The following SYNE2 variants were observed in gnomAD, a reference collection of about 807,000 sequenced individuals.
SYNE2 encodes spectrin repeat containing nuclear envelope protein 2, also known as nesprin-2.
SYNE2 carries 431 observed loss-of-function variants against 856.3 expected under a neutral mutation model. The observed-to-expected ratio is 0.50, with a 90% CI of 0.47 to 0.55. The LOEUF (loss-of-function observed/expected upper bound fraction) is 0.55. Ranked by LOEUF, SYNE2 falls within the 20% of genes least tolerant of loss-of-function variation. The pLI is 0.00. For missense variants in SYNE2, 8,129 were observed against 8,023.2 expected, an observed-to-expected ratio of 1.01 and a Z score of -0.50; for synonymous variants, 2,923 against 2,872.3, an observed-to-expected ratio of 1.02 and a Z score of -0.56.
chr14:64,053,683 G>C, intron 48 of SYNE2, 26 bp downstream of exon 48: 1 of 1,609,298 alleles, frequency 6.2e-7, no homozygotes, highest in East Asian at 2.2e-5. Context: ...TATGCAGTTA[G>C]TGGCTGGGTG....
intron 87 of SYNE2, among the ~76,000 whole-genome samples, chr14:64,161,789 T>TA (rs1033263558): frequency 3.0e-4 from 46 of 151,950 alleles, no homozygotes; most frequent in African/African-American, 1.1e-3. Flanking sequence ...TCCCCTCTCT[T>TA]AAAAAAAGAG....
At chr14:64,200,991 G>A (rs558203180) in intron 99 of SYNE2, among the ~76,000 whole-genome samples, 25 of 152,316 alleles carry the variant, frequency 1.6e-4, no homozygotes, top group Non-Finnish European at 2.4e-4. Context: ...TAAATAAAGC[G>A]TGATTGTAGC....
At chr14:64,107,926 T>G (rs1221066560) in intron 65 of SYNE2, among the ~76,000 whole-genome samples, 1 of 152,210 alleles carries the variant, frequency 6.6e-6, no homozygotes, top group Non-Finnish European at 1.5e-5. Flanking sequence ...TAGAGAAGGG[T>G]TAATATTGAT....
At chr14:63,943,575 TG>T (rs1290407769) in intron 6 of SYNE2, among the ~76,000 whole-genome samples, 2 of 152,122 alleles carry the variant, frequency 1.3e-5, no homozygotes, top group Non-Finnish European at 2.9e-5. Context: ...TTAAGTTGTG[TG>T]TTTTTTTTCT....
At position 64,010,091 on chromosome 14, in the gene SYNE2, A is replaced by C; in HGVS notation, c.4703A>C (p.Glu1568Ala). The change falls in exon 32 of 116, where the codon GAG becomes GCG. Residue 1568 changes from glutamate (E) to alanine (A), a missense_variant. Around this residue, in one of 3 missense-constraint regions of SYNE2, gnomAD observed 2,422 missense variants for 2,357.4 expected, o/e 1.03. Coordinates refer to ENST00000555002, the MANE Select transcript of SYNE2 (RefSeq NM_182914.3). ...CTGCAGGCTTCGTACATGGGAAAGG[A>C]GAACCTGAAGAAAAGGATAGCAGAG... ...ISLQASYMGK[E>A]NLKKRIAEIE... is the part of the protein sequence containing the mutation. 8 of 1,613,380 alleles carry C rather than the reference A, an allele frequency of 5.0e-6. No homozygotes were observed. Among genetic ancestry groups the C allele is most frequent in the Non-Finnish European group, 6.8e-6 (8 of 1,179,596 alleles).
intron 32 of SYNE2, among the ~76,000 whole-genome samples, chr14:64,015,850 C>G (rs752922663): frequency 1.1e-4 from 17 of 152,018 alleles, no homozygotes; most frequent in Non-Finnish European, 2.2e-4. Flanking sequence ...CTCAGCAATA[C>G]TTTGACTGTG....
intron 18 of SYNE2, among the ~76,000 whole-genome samples, chr14:63,986,204 A>T (rs2096624477): frequency 6.6e-6 from 1 of 152,082 alleles, no homozygotes; most frequent in Non-Finnish European, 1.5e-5. Context: ...GGTTTAGGCA[A>T]TTCGCTTGCC....
intron 1 of SYNE2, among the ~76,000 whole-genome samples, chr14:63,795,018 A>C (rs931457089): frequency 2.0e-5 from 3 of 152,060 alleles, no homozygotes; most frequent in Non-Finnish European, 4.4e-5. Context: ...TGATCCTCCT[A>C]CCTCAGCCTC....
chr14:64,170,825 G>A (rs1385913657), intron 94 of SYNE2, among the ~76,000 whole-genome samples: 1 of 152,052 alleles, frequency 6.6e-6, no homozygotes, highest in Admixed American at 6.5e-5. Context: ...TACAGTGATG[G>A]CATTGTTTAC....
intron 11 of SYNE2, among the ~76,000 whole-genome samples, chr14:63,974,481 G>A (rs1395571221): frequency 1.3e-5 from 2 of 152,098 alleles, no homozygotes; most frequent in East Asian, 1.9e-4. Flanking sequence ...GCCCAGCCCC[G>A]ATACTGGGTA....
At chr14:64,215,927 G>T in intron 107 of SYNE2, 3 of 1,308,650 alleles carry the variant, frequency 2.3e-6, no homozygotes, top group Non-Finnish European at 2.9e-6. Context: ...ACTCCTGAGA[G>T]GCCTTCTGCC....
chr14:63,776,139 C>G (rs1022626354), intron 1 of SYNE2, among the ~76,000 whole-genome samples: 1 of 152,224 alleles, frequency 6.6e-6, no homozygotes, highest in African/African-American at 2.4e-5. Context: ...AAAATTCCTA[C>G]TGCTCTGATG....
At chr14:64,087,382 A>G (rs770025428) in intron 57 of SYNE2, 1 of 572,946 alleles carries the variant, frequency 1.7e-6, no homozygotes, top group Non-Finnish European at 3.4e-6. Flanking sequence ...CTTATTATGT[A>G]TAATAAAAGA....
chr14:63,928,468 A>G (rs1401097707), intron 2 of SYNE2, among the ~76,000 whole-genome samples: 2 of 152,086 alleles, frequency 1.3e-5, no homozygotes, highest in Non-Finnish European at 2.9e-5. Flanking sequence ...TCTTGGTACT[A>G]TTTGTTTTTG....
intron 98 of SYNE2, 124 bp from the exon 99 acceptor site, chr14:64,189,947 G>A: frequency 2.7e-6 from 3 of 1,102,492 alleles, no homozygotes; most frequent in Non-Finnish European, 3.9e-6. Flanking sequence ...ATTGGTATGA[G>A]CCACTATGCC....
intron 100 of SYNE2, among the ~76,000 whole-genome samples, chr14:64,204,643 T>C (rs2098596629): frequency 6.6e-6 from 1 of 152,194 alleles, no homozygotes. Context: ...ATTCTGTCTT[T>C]ATAGAATTCA....
In SYNE2 at chr14:63,942,091, G is replaced by C. The variant is rs894234620; in HGVS notation, c.356G>C (p.Gly119Ala). 1 of 1,611,586 alleles carries C rather than the reference G, an allele frequency of 6.2e-7. No homozygotes were observed. The highest frequency in any genetic ancestry group is 1.3e-5 in the African/African-American group (1 of 74,866). ...ATTCATGTTACTGATATCATTGATGGAAACCCATCCATTATCCTTGGCCTA... is the reference window on the plus strand; with the variant it reads ...ATTCATGTTACTGATATCATTGATGCAAACCCATCCATTATCCTTGGCCTA... ...INIHVTDIID[G>A]NPSIILGLIW... is the part of the protein sequence containing the mutation. Residue 119 changes from glycine to alanine, a missense_variant, in exon 6 of 116, where the codon GGA becomes GCA. Physicochemically the swap from Gly to Ala is moderately conservative, Grantham distance 60. Transcript: ENST00000555002.
intron 30 of SYNE2, among the ~76,000 whole-genome samples, chr14:64,006,816 G>C (rs2096799708): frequency 6.6e-6 from 1 of 152,094 alleles, no homozygotes; most frequent in Non-Finnish European, 1.5e-5. Context: ...GACAGAGTGA[G>C]ACCCTGTTTC....
intron 1 of SYNE2, among the ~76,000 whole-genome samples, chr14:63,826,699 A>G (rs1194261046): frequency 6.6e-6 from 1 of 152,198 alleles, no homozygotes; most frequent in Non-Finnish European, 1.5e-5. Flanking sequence ...ACCACTTACA[A>G]AAATTAACCA....
Sources: allele counts gnomAD v4.1 joint callset (sites outside exome capture counted in the v4.1 genomes callset), GRCh38; gene constraint gnomAD v4.1.1; regional missense constraint gnomAD v4.1.1; transcripts MANE v1.5; gene names NCBI Gene and HGNC (gene_info 2026-07-23, HGNC 2026-07-21).